Variants in LRRC4C observed in about 807,000 individuals in gnomAD.
LRRC4C encodes the protein leucine rich repeat containing 4C, also known as leucine-rich repeat-containing protein 4C.
A neutral mutation model predicts 33.6 loss-of-function variants in LRRC4C; 5 were observed. The ratio of observed to expected loss-of-function variants is 0.15; its 90% CI spans 0.08 to 0.31. The LOEUF (loss-of-function observed/expected upper bound fraction) is 0.31. LRRC4C is among the 10% of genes least tolerant of loss of function. LRRC4C has a pLI of 1.00. For synonymous variants in LRRC4C, 329 were observed against 302.0 expected (o/e 1.09, Z -0.93); for missense variants, 560 against 796.7 (o/e 0.70, Z 3.58).
In LRRC4C at chr11:40,972,080, C is replaced by T. The variant is rs11036164; in HGVS notation, c.-495-38357G>A. ...CTTAAATGAGACTTTGGACTATGGA[C>T]TTTTGAGTTACTTCTGGAATGAGTT... On this transcript the variant is annotated intron_variant, in intron 1 of 6. Coordinates refer to ENST00000528697, the MANE Select transcript of LRRC4C (RefSeq NM_001258419.2). 3.3e-5 allele frequency among the ~76,000 whole-genome samples: 5 copies of T among 150,718 alleles called. No homozygotes were observed. In the South Asian group the frequency reaches 1.0e-3, roughly 32 times the overall value.
intron 5 of LRRC4C, among the ~76,000 whole-genome samples, chr11:40,160,737 A>T (rs771345275): frequency 2.8e-4 from 42 of 152,200 alleles, no homozygotes; most frequent in Non-Finnish European, 5.4e-4. Flanking sequence ...TGTCTGCCAG[A>T]TCCAAAGATT....
At chr11:41,157,478 G>A (rs902610843) in intron 1 of LRRC4C, among the ~76,000 whole-genome samples, 1 of 152,118 alleles carries the variant, frequency 6.6e-6, no homozygotes, top group Non-Finnish European at 1.5e-5. Context: ...TTATTCCTAA[G>A]TATCTATATC....
chr11:41,349,562 G>C (rs1191073513), intron 1 of LRRC4C, among the ~76,000 whole-genome samples: 1 of 152,090 alleles, frequency 6.6e-6, no homozygotes, highest in Non-Finnish European at 1.5e-5. Flanking sequence ...GCTGAGCCTT[G>C]GTTCCCTGAA....
intron 1 of LRRC4C, among the ~76,000 whole-genome samples, chr11:41,366,242 ATAGG>A (rs1168475698): frequency 2.5e-4 from 32 of 128,018 alleles, no homozygotes; most frequent in East Asian, 6.6e-4. Context: ...AGATAGATAG[ATAGG>A]TAGATATCCT....
At chr11:41,055,227 T>A (rs1185072485) in intron 1 of LRRC4C, among the ~76,000 whole-genome samples, 1 of 152,204 alleles carries the variant, frequency 6.6e-6, no homozygotes, top group Non-Finnish European at 1.5e-5. Flanking sequence ...CTTTCTTTAG[T>A]GTGAGTCATC....
At chr11:40,997,100 G>A (rs905522294) in intron 1 of LRRC4C, among the ~76,000 whole-genome samples, 8 of 152,084 alleles carry the variant, frequency 5.3e-5, no homozygotes, top group Non-Finnish European at 1.2e-4. Flanking sequence ...GTTTAGTTCT[G>A]CAATGATATC....
At chr11:40,445,897 C>T (rs1023096412) in intron 3 of LRRC4C, 1 of 152,160 alleles carries the variant, frequency 6.6e-6, no homozygotes, top group Non-Finnish European at 1.5e-5. Context: ...GGAGGTTTTC[C>T]CACACTCATT....
intron 1 of LRRC4C, among the ~76,000 whole-genome samples, chr11:41,214,310 A>G (rs1232330710): frequency 6.6e-6 from 1 of 152,138 alleles, no homozygotes; most frequent in Non-Finnish European, 1.5e-5. Context: ...GACTCCCTGA[A>G]GTACACTTCC....
At chr11:40,405,711 C>T (rs1949940202) in intron 3 of LRRC4C, among the ~76,000 whole-genome samples, 1 of 134,414 alleles carries the variant, frequency 7.4e-6, no homozygotes, top group African/African-American at 2.7e-5. Flanking sequence ...TTTTGAGGAA[C>T]TTACAAAAGA....
Position 40,623,506 on chromosome 11 carries a change from G to A in LRRC4C, c.-270+24636C>T, listed in dbSNP as rs538441491. On this transcript the variant is annotated intron_variant, in intron 3 of 6. Coordinates refer to ENST00000528697, the MANE Select transcript of LRRC4C (RefSeq NM_001258419.2). ...CAGTAATTTAGATTACAGTATGTTT[G>A]GAAGGCCTAAAGTAACTAGTAGGAT... Among the ~76,000 whole-genome samples the A allele has an allele frequency of 7.2e-5, 11 of 152,028 alleles. 1 individual carries two copies. The South Asian group carries it at 2.3e-3, about 32-fold the overall frequency.
At chr11:41,425,406 G>A (rs761112038) in intron 1 of LRRC4C, among the ~76,000 whole-genome samples, 5 of 152,036 alleles carry the variant, frequency 3.3e-5, no homozygotes, top group Non-Finnish European at 5.9e-5. Flanking sequence ...CAAATACGGG[G>A]ATGAATTACC....
In LRRC4C at chr11:40,856,806, A is replaced by T. The variant is rs567808225; in HGVS notation, c.-407+76829T>A. Among the ~76,000 whole-genome samples the T allele has an allele frequency of 2.0e-5, 3 of 152,326 alleles. No individual in the cohort carries two copies. The East Asian group carries it at 5.8e-4, about 29-fold the overall frequency. ...CTCAGCACAGCATCTGAGTGCAGAG[A>T]ACAGCTGTCCCATTAACTAAAGCTG... On this transcript the variant is annotated intron_variant, in intron 2 of 6. Coordinates refer to ENST00000528697, the MANE Select transcript of LRRC4C (RefSeq NM_001258419.2).
intron 3 of LRRC4C, among the ~76,000 whole-genome samples, chr11:40,531,823 GAAAGA>G (rs990515970): frequency 1.3e-5 from 2 of 151,576 alleles, no homozygotes; most frequent in Non-Finnish European, 2.9e-5. Flanking sequence ...CATGGTAAAG[GAAAGA>G]AGACAGTAAG....
chr11:41,290,660 A>T (rs1038576468), intron 1 of LRRC4C, among the ~76,000 whole-genome samples: 2 of 152,186 alleles, frequency 1.3e-5, no homozygotes, highest in Non-Finnish European at 2.9e-5. Flanking sequence ...CTATATTAGC[A>T]TGCAGTATAT....
intron 3 of LRRC4C, among the ~76,000 whole-genome samples, chr11:40,358,967 A>T (rs1216718346): frequency 1.3e-5 from 2 of 151,272 alleles, no homozygotes; most frequent in African/African-American, 4.8e-5. Flanking sequence ...AAACAATCAT[A>T]AATAGTTTAC....
chr11:40,612,205 G>A (rs999304996), intron 3 of LRRC4C, among the ~76,000 whole-genome samples: 1 of 151,770 alleles, frequency 6.6e-6, no homozygotes, highest in Non-Finnish European at 1.5e-5. Flanking sequence ...ATATTATTAA[G>A]CCTTAAAAAG....
At chr11:41,238,764 A>G (rs2136526116) in intron 1 of LRRC4C, among the ~76,000 whole-genome samples, 1 of 152,304 alleles carries the variant, frequency 6.6e-6, no homozygotes, top group African/African-American at 2.4e-5. Flanking sequence ...CATTATATAA[A>G]GATCCAGTGT....
At chr11:40,341,808 G>A (rs1250061697) in intron 3 of LRRC4C, among the ~76,000 whole-genome samples, 1 of 152,162 alleles carries the variant, frequency 6.6e-6, no homozygotes, top group East Asian at 1.9e-4. Flanking sequence ...CTTTGACTGA[G>A]TGAGTGACAA....
At position 40,347,389 on chromosome 11, in the gene LRRC4C, C is replaced by A. The variant is rs898477512; in HGVS notation, c.-269-27668G>T. On this transcript the variant is annotated intron_variant, in intron 3 of 6. Coordinates refer to ENST00000528697, the MANE Select transcript of LRRC4C (RefSeq NM_001258419.2). ...TTGCAGCTGGTTTGGTCTATCCAGA[C>A]CACTAAAATTTTCTTCATATTGGCA... is the stretch of plus-strand genomic sequence containing the variant. Among the ~76,000 whole-genome samples the A allele has an allele frequency of 2.6e-5, 4 of 152,134 alleles. 1 individual carries two copies. Among genetic ancestry groups the A allele is most frequent in the African/African-American group, 9.7e-5 (4 of 41,434 alleles).
Sources: allele counts gnomAD v4.1 joint callset (sites outside exome capture counted in the v4.1 genomes callset), GRCh38; gene constraint gnomAD v4.1.1; transcripts MANE v1.5; gene names NCBI Gene and HGNC (gene_info 2026-07-23, HGNC 2026-07-21).